Variants in SLC9A8 observed in about 807,000 individuals in gnomAD.
SLC9A8 encodes the protein sodium/hydrogen exchanger 8.
A neutral mutation model predicts 66.6 loss-of-function variants in SLC9A8; 48 were observed. The ratio of observed to expected loss-of-function variants is 0.72; its 90% CI spans 0.57 to 0.92. The LOEUF (loss-of-function observed/expected upper bound fraction) is 0.92. Among genes scored for constraint, SLC9A8 ranks in the 40% least tolerant of loss-of-function variants. SLC9A8 has a pLI of 0.00. For synonymous variants in SLC9A8, 274 were observed against 282.6 expected (o/e 0.97, Z 0.31); for missense variants, 599 against 747.3 (o/e 0.80, Z 2.31).
At chr20:49,823,174 C>G (rs1335167671) in intron 3 of SLC9A8, 33 bp downstream of exon 3, 1 of 1,532,202 alleles carries the variant, frequency 6.5e-7, no homozygotes. Flanking sequence ...ATAATAAAAG[C>G]AGTAACAATA....
At chr20:49,838,059 C>A (rs915183036) in intron 3 of SLC9A8, among the ~76,000 whole-genome samples, 11 of 144,496 alleles carry the variant, frequency 7.6e-5, no homozygotes, top group African/African-American at 2.6e-4. Flanking sequence ...CATACACTTA[C>A]ACACACACAC....
At chr20:49,847,245 T>C (rs2088035262) in intron 5 of SLC9A8, among the ~76,000 whole-genome samples, 1 of 152,170 alleles carries the variant, frequency 6.6e-6, no homozygotes, top group African/African-American at 2.4e-5. Context: ...GGTCACCATG[T>C]CTTTCCTTTC....
In SLC9A8 at chr20:49,884,040, G is replaced by A. The variant is rs755746337; in HGVS notation, c.1465G>A (p.Val489Ile). The A allele has an allele frequency of 1.2e-5, 19 of 1,613,682 alleles. No individual in the cohort carries two copies. The East Asian group carries it at 1.3e-4, about 11-fold the overall frequency. The change falls in exon 14 of 16, where the codon GTC becomes ATC. Residue 489 changes from valine to isoleucine, a missense_variant. By Grantham distance (29) the Val-to-Ile change is conservative. Coordinates refer to ENST00000361573, the MANE Select transcript of SLC9A8 (RefSeq NM_015266.3). ...AKAHRRNKKD[V>I]NLSKTEKMGN... ...GGCACACCGCAGGAACAAGAAGGAC[G>A]TCAACCTCAGCAAGACTGAGAAGAT...
intron 9 of SLC9A8, among the ~76,000 whole-genome samples, chr20:49,864,398 G>C (rs1568855728): frequency 6.6e-6 from 1 of 152,178 alleles, no homozygotes. Context: ...GCTGTCCTTG[G>C]TGTGTCTGCA....
chr20:49,823,876 T>C (rs2086828464), intron 3 of SLC9A8, among the ~76,000 whole-genome samples: 2 of 152,238 alleles, frequency 1.3e-5, no homozygotes, highest in Non-Finnish European at 2.9e-5. Context: ...TTTTACTAGT[T>C]TCTACTTGCC....
Position 49,886,580 on chromosome 20 carries a change from C to T in SLC9A8, c.1492-172C>T. ...ATCCATTGTGCCCTGATGGACGTTCCTGCCTCCCTGCAGGCTCCCAGGAGG... is the reference window on the plus strand; with the variant it reads ...ATCCATTGTGCCCTGATGGACGTTCTTGCCTCCCTGCAGGCTCCCAGGAGG... On this transcript the variant is annotated intron_variant, in intron 14 of 15. Coordinates refer to ENST00000361573, the MANE Select transcript of SLC9A8 (RefSeq NM_015266.3). This position sits in a 1 kb window ranked among gnomAD's most constrained non-coding sequence, Gnocchi z 4.8. 1.4e-6 allele frequency: 1 copy of T among 692,372 alleles called. No homozygotes were observed. Among genetic ancestry groups the T allele is most frequent in the Non-Finnish European group, 2.4e-6 (1 of 423,214 alleles). The allele number at this position is 692,372 out of a possible 1,614,324, so 42.9% of individuals were successfully genotyped here.
At chr20:49,864,099 A>G (rs1004477991) in intron 9 of SLC9A8, 1 of 152,172 alleles carries the variant, frequency 6.6e-6, no homozygotes, top group African/African-American at 2.4e-5. Context: ...ATCTATCAAA[A>G]TGAAGTGGAG....
chr20:49,889,183 A>T lies in SLC9A8; in HGVS notation c.*1247A>T, dbSNP rs1297138452. ...TCATCTCCCCTTTGACGAGCCTCAA[A>T]CTGCTCAGCTCATCAAAGAGCCATT... On this transcript the variant is annotated 3_prime_UTR_variant, in exon 16 of 16. Transcript: ENST00000361573. 1 of 152,180 alleles carries T rather than the reference A, an allele frequency of 6.6e-6. No individual in the cohort carries two copies. The highest frequency in any genetic ancestry group is 6.5e-5 in the Admixed American group (1 of 15,272). 9.4% of individuals were successfully genotyped at this position (152,180 alleles called of 1,614,324 possible).
In SLC9A8 at chr20:49,886,723, C is replaced by T; in HGVS notation, c.1492-29C>T. 6.2e-7 allele frequency: 1 copy of T among 1,601,868 alleles called. No homozygotes were observed. Among genetic ancestry groups the T allele is most frequent in the Non-Finnish European group, 8.5e-7 (1 of 1,172,902 alleles). On this transcript the variant is annotated intron_variant, in intron 14 of 15. Transcript: ENST00000361573. This position sits in a 1 kb window ranked among gnomAD's most constrained non-coding sequence, Gnocchi z 4.8. ...GCCCCCCGATGGTGCCAGCTGGTGG[C>T]CGTCGGGCCGCCTTTCCTCCCTGCT...
At chr20:49,887,365 C>T (rs535342312) in intron 15 of SLC9A8, among the ~76,000 whole-genome samples, 4 of 152,224 alleles carry the variant, frequency 2.6e-5, no homozygotes, top group South Asian at 2.1e-4. Context: ...TTCCACTCTC[C>T]GGCAGGCCTG....
chr20:49,848,714 A>G (rs750216229), intron 5 of SLC9A8, among the ~76,000 whole-genome samples: 4 of 152,242 alleles, frequency 2.6e-5, no homozygotes, highest in African/African-American at 7.2e-5. Flanking sequence ...TTTATCTGAC[A>G]TAGTTAATGA....
chr20:49,874,065 C>T (rs1359913180), intron 10 of SLC9A8, among the ~76,000 whole-genome samples: 1 of 152,114 alleles, frequency 6.6e-6, no homozygotes, highest in African/African-American at 2.4e-5. Context: ...GCCTGGCCAA[C>T]ATGGTGAAAC....
chr20:49,874,961 C>A (rs2089367624), intron 11 of SLC9A8, 140 bp downstream of exon 11: 1 of 670,170 alleles, frequency 1.5e-6, no homozygotes, highest in Admixed American at 2.3e-5. Context: ...ACTCCCTTAT[C>A]TTTTGTTTGT....
At chr20:49,872,155 A>G (rs2089235312) in intron 10 of SLC9A8, among the ~76,000 whole-genome samples, 1 of 152,204 alleles carries the variant, frequency 6.6e-6, no homozygotes, top group Non-Finnish European at 1.5e-5. Context: ...CTTGAGCTTC[A>G]AAGAGCCCTA....
At chr20:49,815,280 C>A in intron 2 of SLC9A8, 91 bp downstream of exon 2, 1 of 1,117,452 alleles carries the variant, frequency 8.9e-7, no homozygotes, top group Non-Finnish European at 1.2e-6. Flanking sequence ...TCTTGACTGT[C>A]AAGTCTTCCT....
Position 49,886,984 on chromosome 20 carries a change from A to C in SLC9A8, c.1638+86A>C. On this transcript the variant is annotated intron_variant, in intron 15 of 15. Transcript: ENST00000361573. The surrounding 1 kb of genome is among the most constrained non-coding windows in gnomAD (Gnocchi z 4.8). ...CGGTGGCCCAGGGTGGGGTGGAGGA[A>C]GAGTGGGGAGGCAGGAAAGCTCACG... 1 of 1,458,256 alleles carries C rather than the reference A, an allele frequency of 6.9e-7. No individual in the cohort carries two copies. The highest frequency in any genetic ancestry group is 9.3e-7 in the Non-Finnish European group (1 of 1,075,840). The allele number at this position is 1,458,256 out of a possible 1,614,324, so 90.3% of individuals were successfully genotyped here.
intron 2 of SLC9A8, among the ~76,000 whole-genome samples, chr20:49,822,023 C>G (rs1791027954): frequency 6.6e-6 from 1 of 152,112 alleles, no homozygotes; most frequent in African/African-American, 2.4e-5. Flanking sequence ...CTAGAAGCCT[C>G]AGTTTTCTGA....
chr20:49,864,709 G>A (rs776927808), intron 9 of SLC9A8, 30 bp from the exon 10 acceptor site: 13 of 1,530,106 alleles, frequency 8.5e-6, no homozygotes, highest in Admixed American at 1.7e-5. Context: ...ACTCTCCCTC[G>A]ATTCTCCTTC....
chr20:49,815,399 G>T, intron 2 of SLC9A8: 1 of 407,634 alleles, frequency 2.5e-6, no homozygotes, highest in Non-Finnish European at 4.3e-6. Context: ...GTTCTGAAGA[G>T]CTGTTGATGT....
Sources: allele counts gnomAD v4.1 joint callset (sites outside exome capture counted in the v4.1 genomes callset), GRCh38; gene constraint gnomAD v4.1.1; non-coding constraint Gnocchi (gnomAD v3.1); transcripts MANE v1.5; gene names NCBI Gene and HGNC (gene_info 2026-07-23, HGNC 2026-07-21).